GLDC: variants seen among roughly 807,000 people sequenced by gnomAD.
The protein encoded by GLDC is glycine dehydrogenase (decarboxylating), mitochondrial.
A neutral mutation model predicts 121.3 loss-of-function variants in GLDC; 104 were observed. The observed-to-expected ratio is 0.86, with a 90% CI of 0.73 to 1.01. The LOEUF (loss-of-function observed/expected upper bound fraction) is 1.01, where lower values mean the gene tolerates loss of function less well. Among genes scored for constraint, GLDC ranks in the 50% least tolerant of loss-of-function variants. The pLI is 0.00. For synonymous variants in GLDC, 546 were observed against 480.6 expected (o/e 1.14, Z -1.78); for missense variants, 1,429 against 1,306.6 (o/e 1.09, Z -1.44).
At chr9:6,629,266 G>C (rs779219157) in intron 2 of GLDC, among the ~76,000 whole-genome samples, 2 of 150,404 alleles carry the variant, frequency 1.3e-5, no homozygotes, top group Admixed American at 6.6e-5. Flanking sequence ...CCAGGTTGGA[G>C]TGCAATGGTG....
rs371449376 is a variant in GLDC, at chr9:6,600,239, G to A, written c.1155+1870C>T. 1.8e-3 allele frequency among the ~76,000 whole-genome samples: 273 copies of A among 152,180 alleles called. 10 individuals carry two copies. The South Asian group carries it at 0.037, about 21-fold the overall frequency. On this transcript the variant is annotated intron_variant, in intron 8 of 24. Transcript: ENST00000321612. The stretch of plus-strand genomic sequence containing the variant: ...GAAAATTAGCTGGGCGTGGTGGAAT[G>A]TACCCATAGTCCCAGCTACTTAGGA...
chr9:6,548,181 G>C (rs1817437021), intron 21 of GLDC, among the ~76,000 whole-genome samples: 1 of 152,178 alleles, frequency 6.6e-6, no homozygotes, highest in Non-Finnish European at 1.5e-5. Flanking sequence ...AAGAAATACA[G>C]AAAATATTAG....
chr9:6,554,524 G>C (rs1817577906), intron 19 of GLDC, 145 bp downstream of exon 19: 1 of 706,826 alleles, frequency 1.4e-6, no homozygotes, highest in South Asian at 1.5e-5. Flanking sequence ...CCATTTTGCT[G>C]CTCCTCCCCC....
intron 2 of GLDC, among the ~76,000 whole-genome samples, chr9:6,621,179 A>G (rs1819085496): frequency 6.6e-6 from 1 of 152,116 alleles, no homozygotes; most frequent in South Asian, 2.1e-4. Flanking sequence ...TCAAACAAAA[A>G]CAAAAGCAAA....
chr9:6,608,650 G>A (rs918223184), intron 4 of GLDC, among the ~76,000 whole-genome samples: 40 of 151,948 alleles, frequency 2.6e-4, no homozygotes, highest in Non-Finnish European at 5.3e-4. Flanking sequence ...GAAGGCTGAG[G>A]CAGGAGAATG....
At chr9:6,559,684 G>A (rs561714586) in intron 16 of GLDC, among the ~76,000 whole-genome samples, 53 of 151,406 alleles carry the variant, frequency 3.5e-4, no homozygotes, top group African/African-American at 1.0e-3. Context: ...GTGTGGTGAC[G>A]CACGCCTGTA....
At chr9:6,606,309 CA>C (rs56758871) in intron 5 of GLDC, among the ~76,000 whole-genome samples, 312 of 90,072 alleles carry the variant, frequency 3.5e-3, no homozygotes, top group African/African-American at 7.4e-3. Context: ...GACTCCGTCT[CA>C]AAAAAAAAAA....
At chr9:6,614,661 T>G (rs142126037) in intron 3 of GLDC, among the ~76,000 whole-genome samples, 1 of 151,974 alleles carries the variant, frequency 6.6e-6, no homozygotes, top group Non-Finnish European at 1.5e-5. Context: ...ATTGCTGGGA[T>G]AACAGGAGTG....
At chr9:6,574,802 A>G (rs147555416) in intron 15 of GLDC, among the ~76,000 whole-genome samples, 34 of 152,090 alleles carry the variant, frequency 2.2e-4, no homozygotes, top group African/African-American at 7.5e-4. Context: ...CTGAAGCTGC[A>G]CTAGGCTCGG....
chr9:6,612,563 C>T (rs114488002), intron 3 of GLDC, among the ~76,000 whole-genome samples: 1 of 151,628 alleles, frequency 6.6e-6, no homozygotes, highest in African/African-American at 2.4e-5. Context: ...GAGACCTCAC[C>T]TCTACAAAAA....
At chr9:6,645,215 G>T (rs1819717818) in intron 1 of GLDC, 30 bp downstream of exon 1, 1 of 1,556,622 alleles carries the variant, frequency 6.4e-7, no homozygotes, top group Non-Finnish European at 8.7e-7. Flanking sequence ...GCGGAGGGGA[G>T]GCCGCGGAGG....
intron 22 of GLDC, among the ~76,000 whole-genome samples, chr9:6,538,026 T>C (rs1196925214): frequency 6.6e-6 from 1 of 152,216 alleles, no homozygotes; most frequent in Non-Finnish European, 1.5e-5. Flanking sequence ...GTGATAAAAC[T>C]TACAGTGAAA....
At chr9:6,592,720 C>G (rs1442944348) in intron 10 of GLDC, 131 bp downstream of exon 10, 2 of 807,984 alleles carry the variant, frequency 2.5e-6, no homozygotes, top group South Asian at 1.7e-5. Flanking sequence ...GTAAATAACA[C>G]TTGTTTATGA....
intron 15 of GLDC, among the ~76,000 whole-genome samples, chr9:6,576,049 G>A (rs917843676): frequency 1.3e-5 from 2 of 152,158 alleles, no homozygotes; most frequent in African/African-American, 2.4e-5. Context: ...AACACCCTTG[G>A]GATCAAAATG....
At chr9:6,582,383 C>T (rs1017550632) in intron 15 of GLDC, among the ~76,000 whole-genome samples, 2 of 145,038 alleles carry the variant, frequency 1.4e-5, no homozygotes, top group Non-Finnish European at 3.0e-5. Context: ...TTGCCGGCCA[C>T]GGGGGCAGGC....
chr9:6,565,799 C>A (rs775466140), intron 15 of GLDC: 3 of 481,364 alleles, frequency 6.2e-6, no homozygotes, highest in Admixed American at 3.7e-5. Flanking sequence ...CCAGCTGTAA[C>A]AATTTGGTTT....
At chr9:6,543,463 C>G (rs1029571072) in intron 21 of GLDC, among the ~76,000 whole-genome samples, 1 of 152,114 alleles carries the variant, frequency 6.6e-6, no homozygotes, top group African/African-American at 2.4e-5. Flanking sequence ...CTGAAAGGCA[C>G]CGTCAAGCCA....
intron 2 of GLDC, among the ~76,000 whole-genome samples, chr9:6,643,048 C>G (rs1338583204): frequency 3.6e-4 from 55 of 152,186 alleles, no homozygotes; most frequent in Admixed American, 3.6e-3. Context: ...CAGGCGCACA[C>G]CACCACACCC....
At chr9:6,569,180 A>T (rs1817906175) in intron 15 of GLDC, 1 of 152,244 alleles carries the variant, frequency 6.6e-6, no homozygotes, top group Non-Finnish European at 1.5e-5. Context: ...AAACTTAAAA[A>T]AAAAAAGAAT....
Sources: gnomAD v4.1 joint callset for allele counts (sites outside exome capture counted in the v4.1 genomes callset) on GRCh38, gnomAD v4.1.1 for gene constraint, MANE v1.5 for transcripts, NCBI Gene and HGNC (gene_info 2026-07-23, HGNC 2026-07-21) for gene names.